The following SEC63 variants were observed in gnomAD, a reference collection of about 807,000 sequenced individuals.
SEC63 encodes the protein SEC63 protein translocation regulator.
SEC63 carries 56 observed loss-of-function variants against 116.2 expected under a neutral mutation model. The observed-to-expected ratio is 0.48, with a 90% confidence interval of 0.39 to 0.60. SEC63 has a LOEUF of 0.60. Among genes scored for constraint, SEC63 ranks in the 20% least tolerant of loss-of-function variants. The probability of loss-of-function intolerance (pLI) is 0.00; values close to 1 mark genes in which losing one functional copy is unlikely to be tolerated. For synonymous variants in SEC63, 273 were observed against 294.6 expected, an observed-to-expected ratio of 0.93 and a Z score of 0.75; for missense variants, 668 against 900.0, an observed-to-expected ratio of 0.74 and a Z score of 3.30.
chr6:107,869,612 A>C lies in SEC63; in HGVS notation c.*2092T>G, dbSNP rs1016567829. ...TTTAGCGACTTGCTGGAGAGAGAAG[A>C]ACTATCAACTGAAGGCTCAGTTCTT... On this transcript the variant is annotated 3_prime_UTR_variant, in exon 21 of 21. Coordinates refer to ENST00000369002, the MANE Select transcript of SEC63 (RefSeq NM_007214.5). The C allele has an allele frequency of 6.6e-6, 1 of 152,204 alleles. No individual in the cohort carries two copies. The highest frequency in any genetic ancestry group is 2.4e-5 in the African/African-American group (1 of 41,444). 9.4% of individuals were successfully genotyped at this position (152,204 alleles called of 1,614,324 possible).
At chr6:107,900,754 T>C (rs1439289233) in intron 13 of SEC63, among the ~76,000 whole-genome samples, 1 of 152,196 alleles carries the variant, frequency 6.6e-6, no homozygotes, top group African/African-American at 2.4e-5. Context: ...TTAGCAAATG[T>C]TAAAGCTCAG....
chr6:107,923,883 A>C (rs920669433), intron 3 of SEC63, among the ~76,000 whole-genome samples: 10 of 151,872 alleles, frequency 6.6e-5, no homozygotes, highest in African/African-American at 2.2e-4. Context: ...AATGAATACA[A>C]GGTCATAAGA....
Position 107,943,597 on chromosome 6 carries a change from T to G in SEC63, c.125-14083A>C, listed in dbSNP as rs551484967. Among the ~76,000 whole-genome samples, 6 of 152,242 alleles carry G rather than the reference T, an allele frequency of 3.9e-5. No homozygotes were observed. In the South Asian group the frequency reaches 1.0e-3, roughly 26 times the overall value. Reference sequence around the variant, plus strand: ...TTCTTTTGAGAGAAAATTAGTAAGGTAGGGGTAAGAAACACTACAATTTAA... The same window carrying G: ...TTCTTTTGAGAGAAAATTAGTAAGGGAGGGGTAAGAAACACTACAATTTAA... On this transcript the variant is annotated intron_variant, in intron 1 of 20. Coordinates refer to ENST00000369002, the MANE Select transcript of SEC63 (RefSeq NM_007214.5).
intron 10 of SEC63, among the ~76,000 whole-genome samples, chr6:107,906,102 G>GT (rs1787142737): frequency 1.3e-5 from 2 of 152,136 alleles, no homozygotes; most frequent in African/African-American, 4.8e-5. Context: ...CTTTGGTGCT[G>GT]TTCTCGAGAT....
At chr6:107,948,694 C>T (rs935463295) in intron 1 of SEC63, among the ~76,000 whole-genome samples, 18 of 152,128 alleles carry the variant, frequency 1.2e-4, no homozygotes, top group African/African-American at 3.6e-4. Flanking sequence ...TTCCTCCCTG[C>T]CCTCCTGATG....
At chr6:107,935,914 CGAT>C (rs1770236617) in intron 1 of SEC63, among the ~76,000 whole-genome samples, 2 of 152,246 alleles carry the variant, frequency 1.3e-5, no homozygotes, top group South Asian at 4.1e-4. Context: ...TGGAGTCAGA[CGAT>C]GAGATGGCGG....
At chr6:107,936,352 C>T (rs773781591) in intron 1 of SEC63, among the ~76,000 whole-genome samples, 8 of 152,156 alleles carry the variant, frequency 5.3e-5, no homozygotes, top group Non-Finnish European at 8.8e-5. Flanking sequence ...ACTAAATATT[C>T]GTGGTACACA....
At chr6:107,929,558 C>T (rs1787752873) in intron 1 of SEC63, 44 bp from the exon 2 acceptor site, 1 of 1,180,206 alleles carries the variant, frequency 8.5e-7, no homozygotes, top group Non-Finnish European at 1.3e-6. Context: ...CCATTTTTCA[C>T]AAGTGAAGGT....
Position 107,876,689 on chromosome 6 carries a change from A to AG in SEC63, c.1936-28dup, listed in dbSNP as rs35476278. 1.5e-5 allele frequency: 21 copies of AG among 1,387,880 alleles called. No individual in the cohort carries two copies. The East Asian group carries it at 4.8e-4, about 32-fold the overall frequency. 86.0% of individuals were successfully genotyped at this position (1,387,880 alleles called of 1,614,324 possible). A position where few individuals can be genotyped will look rare whatever the true frequency, so the allele number is the denominator to read the frequency against. On this transcript the variant is annotated intron_variant, in intron 18 of 20. Coordinates refer to ENST00000369002, the MANE Select transcript of SEC63 (RefSeq NM_007214.5). ...TGGAAACAAAAAAAAAAAAAAAAAAAGAAGAGGGGTATAAATAATCAGAAA... is the reference window on the plus strand; with the variant it reads ...TGGAAACAAAAAAAAAAAAAAAAAAAGGAAGAGGGGTATAAATAATCAGAAA...
In SEC63 at chr6:107,881,235, G is replaced by T. The variant is rs764787923; in HGVS notation, c.1849C>A (p.Gln617Lys). 6.2e-7 allele frequency: 1 copy of T among 1,611,616 alleles called. No homozygotes were observed. The highest frequency in any genetic ancestry group is 1.1e-5 in the South Asian group (1 of 91,012). Residue 617 changes from glutamine to lysine, a missense_variant, in exon 18 of 21, where the codon CAA (glutamine) becomes AAA (lysine). By Grantham distance (53) the Gln-to-Lys change is moderately conservative. Coordinates refer to ENST00000369002, the MANE Select transcript of SEC63 (RefSeq NM_007214.5). ...KDDEAEWQEL[Q>K]QSIQRKERAL... Reference sequence around the variant, plus strand: ...CTCTCTTTTCGCTGTATGCTTTGTTGTAATTCTTGCCACTCCTAGTAAACA... The same window carrying T: ...CTCTCTTTTCGCTGTATGCTTTGTTTTAATTCTTGCCACTCCTAGTAAACA...
At chr6:107,913,296 C>G in intron 5 of SEC63, 70 bp downstream of exon 5, 1 of 997,736 alleles carries the variant, frequency 1.0e-6, no homozygotes, top group Non-Finnish European at 1.6e-6. Context: ...AATATTATTC[C>G]TTTAATCTGG....
chr6:107,952,367 A>G (rs997376436), intron 1 of SEC63, among the ~76,000 whole-genome samples: 1 of 152,212 alleles, frequency 6.6e-6, no homozygotes, highest in Admixed American at 6.5e-5. Context: ...AGAGCCCACT[A>G]ATTCCAAAAC....
chr6:107,910,540 CATAT>C (rs760981726), intron 7 of SEC63, among the ~76,000 whole-genome samples: 181 of 144,966 alleles, frequency 1.2e-3, no homozygotes, highest in Non-Finnish European at 1.9e-3. Flanking sequence ...GCATGTCATA[CATAT>C]ATACATATAT....
chr6:107,903,267 T>A (rs919416227), intron 11 of SEC63, among the ~76,000 whole-genome samples: 4 of 152,064 alleles, frequency 2.6e-5, no homozygotes. Flanking sequence ...ATTATCAGTA[T>A]CACCAACATA....
chr6:107,922,954 A>G (rs1355435801), intron 3 of SEC63, among the ~76,000 whole-genome samples: 1 of 152,058 alleles, frequency 6.6e-6, no homozygotes, highest in Non-Finnish European at 1.5e-5. Flanking sequence ...AGAAGCTTGG[A>G]ACCCCAGACA....
At chr6:107,886,574 T>C (rs1013040485) in intron 16 of SEC63, among the ~76,000 whole-genome samples, 4 of 152,166 alleles carry the variant, frequency 2.6e-5, no homozygotes, top group Non-Finnish European at 5.9e-5. Flanking sequence ...TGGTATCTCA[T>C]TGTGGTTTTG....
chr6:107,893,105 TATACACACACAC>T (rs1306892182), intron 16 of SEC63, among the ~76,000 whole-genome samples: 12 of 108,948 alleles, frequency 1.1e-4, no homozygotes, highest in Admixed American at 3.4e-4. Flanking sequence ...AATGAAATAC[TATACACACACAC>T]ACACACACAC....
chr6:107,907,013 G>A (rs1430587917), intron 8 of SEC63, among the ~76,000 whole-genome samples: 2 of 152,042 alleles, frequency 1.3e-5, no homozygotes, highest in Admixed American at 6.6e-5. Flanking sequence ...ATCAAATAAA[G>A]CACACCAAAG....
At chr6:107,884,896 C>A (rs535966930) in intron 16 of SEC63, among the ~76,000 whole-genome samples, 2 of 149,176 alleles carry the variant, frequency 1.3e-5, no homozygotes. Context: ...TTTTTAAATC[C>A]ATCAATCTAA....
Sources: gnomAD v4.1 joint callset for allele counts (sites outside exome capture counted in the v4.1 genomes callset) on GRCh38, gnomAD v4.1.1 for gene constraint, MANE v1.5 for transcripts, NCBI Gene and HGNC (gene_info 2026-07-23, HGNC 2026-07-21) for gene names.